The following LRRC4C variants were observed in gnomAD, a reference collection of about 807,000 sequenced individuals.
LRRC4C encodes the protein leucine-rich repeat-containing protein 4C.
Under a neutral mutation model 33.6 loss-of-function variants are expected in LRRC4C, and 5 were observed. The observed-to-expected ratio is 0.15, with a 90% CI of 0.08 to 0.31. The LOEUF (loss-of-function observed/expected upper bound fraction) is 0.31. Ranked by LOEUF, LRRC4C falls within the 10% of genes least tolerant of loss-of-function variation. The pLI is 1.00. For missense variants in LRRC4C, 560 were observed against 796.7 expected (o/e 0.70, Z 3.58); for synonymous variants, 329 against 302.0 (o/e 1.09, Z -0.93).
In LRRC4C at chr11:40,125,698, G is replaced by A. The variant is rs577414863; in HGVS notation, c.-42-9364C>T. On this transcript the variant is annotated intron_variant, in intron 6 of 6. Transcript: ENST00000528697. ...AGCAACATGATATCCTTATAAGAAA[G>A]GTCTGAAGCTCATCCCACATCATGC... Among the ~76,000 whole-genome samples, 6 of 152,160 alleles carry A rather than the reference G, an allele frequency of 3.9e-5. No homozygotes were observed. The South Asian group carries it at 1.2e-3, about 32-fold the overall frequency.
intron 6 of LRRC4C, among the ~76,000 whole-genome samples, chr11:40,121,812 G>A (rs1400302102): frequency 6.6e-6 from 1 of 152,170 alleles, no homozygotes; most frequent in Non-Finnish European, 1.5e-5. Flanking sequence ...TAGTTTGTAA[G>A]CAAGGAGGGA....
chr11:40,451,530 T>C (rs991333865), intron 3 of LRRC4C, among the ~76,000 whole-genome samples: 4 of 151,402 alleles, frequency 2.6e-5, no homozygotes, highest in African/African-American at 9.7e-5. Context: ...GGACTACAGG[T>C]GTGTGCCACC....
intron 3 of LRRC4C, among the ~76,000 whole-genome samples, chr11:40,509,140 T>G (rs1955182321): frequency 6.6e-6 from 1 of 152,144 alleles, no homozygotes; most frequent in African/African-American, 2.4e-5. Context: ...AAATTGGAAA[T>G]GATATAATAG....
intron 5 of LRRC4C, among the ~76,000 whole-genome samples, chr11:40,181,999 T>C (rs961461449): frequency 1.3e-5 from 2 of 152,192 alleles, no homozygotes; most frequent in South Asian, 2.1e-4. Context: ...ATCAGGAAAT[T>C]TCATTCCTTG....
intron 3 of LRRC4C, among the ~76,000 whole-genome samples, chr11:40,567,824 G>A (rs902290411): frequency 8.5e-5 from 13 of 152,176 alleles, no homozygotes; most frequent in African/African-American, 3.1e-4. Context: ...TGGAATGAAT[G>A]AATCCCAGAA....
intron 1 of LRRC4C, among the ~76,000 whole-genome samples, chr11:41,422,715 C>A (rs1162456410): frequency 6.6e-6 from 1 of 151,990 alleles, no homozygotes; most frequent in Non-Finnish European, 1.5e-5. Context: ...AAGCAACATA[C>A]AACTCATGTA....
intron 1 of LRRC4C, among the ~76,000 whole-genome samples, chr11:41,366,699 T>C (rs1952558416): frequency 6.6e-6 from 1 of 152,136 alleles, no homozygotes; most frequent in Non-Finnish European, 1.5e-5. Flanking sequence ...AATGAGGTCA[T>C]GAGTGTGGGT....
At chr11:40,671,646 AGTGT>A (rs145275244) in intron 2 of LRRC4C, among the ~76,000 whole-genome samples, 7,808 of 140,522 alleles carry the variant, frequency 0.056, 638 homozygotes, top group African/African-American at 0.19. Context: ...GTCCTTATTC[AGTGT>A]GTGTGTGTGT....
intron 2 of LRRC4C, among the ~76,000 whole-genome samples, chr11:40,783,940 A>C (rs1056888342): frequency 3.9e-5 from 6 of 152,152 alleles, no homozygotes; most frequent in African/African-American, 1.4e-4. Flanking sequence ...GCAAGCTACT[A>C]CTTTAAAGTG....
At chr11:40,950,015 C>T (rs1179121214) in intron 1 of LRRC4C, among the ~76,000 whole-genome samples, 4 of 141,784 alleles carry the variant, frequency 2.8e-5, no homozygotes, top group African/African-American at 1.0e-4. Flanking sequence ...AAAATTTTCA[C>T]CTCTCAATTT....
At chr11:41,104,725 T>C (rs1331049009) in intron 1 of LRRC4C, among the ~76,000 whole-genome samples, 1 of 151,930 alleles carries the variant, frequency 6.6e-6, no homozygotes, top group Non-Finnish European at 1.5e-5. Flanking sequence ...ATAGATAAAC[T>C]GTTGAACATA....
chr11:40,188,632 C>T (rs1350680343), intron 5 of LRRC4C, among the ~76,000 whole-genome samples: 1 of 152,104 alleles, frequency 6.6e-6, no homozygotes, highest in Non-Finnish European at 1.5e-5. Context: ...AAAACTGGTG[C>T]AGAAGGCAGC....
intron 1 of LRRC4C, among the ~76,000 whole-genome samples, chr11:41,112,475 T>G (rs1941890807): frequency 6.6e-6 from 1 of 152,070 alleles, no homozygotes; most frequent in South Asian, 2.1e-4. Context: ...TTTAATCTCT[T>G]TCTCTGTCAA....
At chr11:41,208,771 GTC>G (rs1254212958) in intron 1 of LRRC4C, among the ~76,000 whole-genome samples, 1 of 152,200 alleles carries the variant, frequency 6.6e-6, no homozygotes, top group African/African-American at 2.4e-5. Flanking sequence ...AAGCAGACAA[GTC>G]TGTTTTCTCC....
chr11:40,207,105 T>C (rs574462062), intron 5 of LRRC4C, among the ~76,000 whole-genome samples: 245 of 152,294 alleles, frequency 1.6e-3, no homozygotes, highest in Non-Finnish European at 3.0e-3. Context: ...ATTCACGAAC[T>C]CATTACCAAG....
rs569958097 is a variant in LRRC4C at position 41,189,111 on chromosome 11, T to C, written c.-495-255388A>G. On this transcript the variant is annotated intron_variant, in intron 1 of 6. Transcript: ENST00000528697. The stretch of plus-strand genomic sequence containing the variant: ...AACAAAGATTTATAGGGCACCTTTA[T>C]GTACAAAACACAGCTCAGCTATCAG... Among the ~76,000 whole-genome samples, 6 of 152,250 alleles carry C rather than the reference T, an allele frequency of 3.9e-5. No homozygotes were observed. The South Asian group carries it at 1.2e-3, about 32-fold the overall frequency.
chr11:40,123,968 G>T (rs1010530610), intron 6 of LRRC4C, among the ~76,000 whole-genome samples: 1 of 152,052 alleles, frequency 6.6e-6, no homozygotes, highest in African/African-American at 2.4e-5. Context: ...TGACAAAGGT[G>T]CCAAGAACAT....
Position 41,164,423 on chromosome 11 carries a change from AC to A in LRRC4C, c.-495-230701del, listed in dbSNP as rs1944627803. On this transcript the variant is annotated intron_variant, in intron 1 of 6. Transcript: ENST00000528697. ...ACCTGCCTGAGGCTGTTTTATAGTT[AC>A]CTTTTTTTTACATAAGTAAAAGGAG... is the stretch of plus-strand genomic sequence containing the variant. 2.0e-5 allele frequency among the ~76,000 whole-genome samples: 3 copies of A among 152,200 alleles called. No individual in the cohort carries two copies. In the South Asian group the frequency reaches 6.2e-4, roughly 32 times the overall value.
At chr11:41,090,110 C>T (rs1940299686) in intron 1 of LRRC4C, among the ~76,000 whole-genome samples, 1 of 151,972 alleles carries the variant, frequency 6.6e-6, no homozygotes, top group South Asian at 2.1e-4. Context: ...GAAAATGATG[C>T]TGCAAGGAAA....
Sources: allele counts gnomAD v4.1 joint callset (sites outside exome capture counted in the v4.1 genomes callset), GRCh38; gene constraint gnomAD v4.1.1; transcripts MANE v1.5; gene names NCBI Gene and HGNC (gene_info 2026-07-23, HGNC 2026-07-21).